Variants in SGCZ observed in about 807,000 individuals in gnomAD.
The protein encoded by SGCZ is sarcoglycan zeta.
Under a neutral mutation model 41.3 loss-of-function variants are expected in SGCZ, and 40 were observed. The observed-to-expected ratio is 0.97, with a 90% CI of 0.75 to 1.26. The LOEUF (loss-of-function observed/expected upper bound fraction) is 1.26. SGCZ is among the 50% of genes most tolerant of loss of function. The probability of loss-of-function intolerance (pLI) is 0.00; values close to 1 mark genes in which losing one functional copy is unlikely to be tolerated. For synonymous variants in SGCZ, 206 were observed against 137.5 expected, an observed-to-expected ratio of 1.50 and a Z score of -3.49; for missense variants, 552 against 369.8, an observed-to-expected ratio of 1.49 and a Z score of -4.04.
chr8:15,019,010 A>G (rs1386581229), intron 1 of SGCZ, among the ~76,000 whole-genome samples: 2 of 152,230 alleles, frequency 1.3e-5, no homozygotes, highest in African/African-American at 2.4e-5. Flanking sequence ...AGGAAGTGCT[A>G]CACACTTTTA....
chr8:14,337,776 G>A (rs1388591480), intron 2 of SGCZ, among the ~76,000 whole-genome samples: 4 of 152,050 alleles, frequency 2.6e-5, no homozygotes, highest in Non-Finnish European at 4.4e-5. Context: ...AAGTCCAGTG[G>A]TACCTCCCCT....
At chr8:14,558,574 T>TAGAGAGAG (rs146179658) in intron 1 of SGCZ, among the ~76,000 whole-genome samples, 6,219 of 99,432 alleles carry the variant, frequency 0.063, 351 homozygotes, top group African/African-American at 0.1. Context: ...GAATGACTCT[T>TAGAGAGAG]AGAGAGAGAG....
chr8:14,474,588 T>C (rs1585563610), intron 2 of SGCZ, among the ~76,000 whole-genome samples: 1 of 152,326 alleles, frequency 6.6e-6, no homozygotes, highest in East Asian at 1.9e-4. Flanking sequence ...AAAGAAATTA[T>C]ACTAGGTAGC....
chr8:14,113,861 G>C lies in SGCZ; in HGVS notation c.548-5626C>G, dbSNP rs143101240. Among the ~76,000 whole-genome samples the C allele has an allele frequency of 3.5e-4, 53 of 152,086 alleles. No homozygotes were observed. In the East Asian group the frequency reaches 9.4e-3, roughly 27 times the overall value. On this transcript the variant is annotated intron_variant, in intron 5 of 7. Transcript: ENST00000382080. ...TGTGGATTTTACATTTCAGTGACAAGACAACTCATGAGAACCCCTTCTTGT... is the reference window on the plus strand; with the variant it reads ...TGTGGATTTTACATTTCAGTGACAACACAACTCATGAGAACCCCTTCTTGT...
At chr8:14,401,091 C>T (rs111598569) in intron 2 of SGCZ, among the ~76,000 whole-genome samples, 1 of 152,000 alleles carries the variant, frequency 6.6e-6, no homozygotes, top group Admixed American at 6.6e-5. Context: ...GAAAGCAGTC[C>T]ACACTGTGCA....
chr8:15,013,746 T>A (rs1237152082), intron 1 of SGCZ, among the ~76,000 whole-genome samples: 1 of 152,190 alleles, frequency 6.6e-6, no homozygotes, highest in Admixed American at 6.5e-5. Flanking sequence ...GTAAAAGGCA[T>A]CTGTTATACA....
At chr8:14,822,100 A>ACG in intron 1 of SGCZ, among the ~76,000 whole-genome samples, 1 of 152,032 alleles carries the variant, frequency 6.6e-6, no homozygotes, top group East Asian at 1.9e-4. Context: ...ACACACACAC[A>ACG]CACACACACG....
At chr8:14,451,937 C>T (rs1320229336) in intron 2 of SGCZ, among the ~76,000 whole-genome samples, 1 of 152,156 alleles carries the variant, frequency 6.6e-6, no homozygotes, top group Non-Finnish European at 1.5e-5. Context: ...TCTTACAAAA[C>T]TAAACATAGT....
chr8:14,405,444 G>A (rs1172942892), intron 2 of SGCZ, among the ~76,000 whole-genome samples: 1 of 152,094 alleles, frequency 6.6e-6, no homozygotes, highest in Admixed American at 6.6e-5. Context: ...CTTCTGAACT[G>A]TTTTTATTAT....
intron 3 of SGCZ, among the ~76,000 whole-genome samples, chr8:14,309,908 C>T (rs181109059): frequency 7.2e-5 from 11 of 151,774 alleles, no homozygotes; most frequent in Admixed American, 3.9e-4. Context: ...ATATACAGTA[C>T]ACATCCCCAG....
At chr8:14,170,859 T>A (rs1804358098) in intron 4 of SGCZ, among the ~76,000 whole-genome samples, 1 of 152,114 alleles carries the variant, frequency 6.6e-6, no homozygotes, top group Admixed American at 6.6e-5. Context: ...ATGAGAATTA[T>A]TATGCAAGTG....
intron 1 of SGCZ, among the ~76,000 whole-genome samples, chr8:14,991,219 G>A (rs1247975211): frequency 2.0e-5 from 3 of 151,998 alleles, no homozygotes; most frequent in Non-Finnish European, 4.4e-5. Context: ...TTCTCATTCT[G>A]GGGAAGGTCT....
chr8:14,589,146 G>T (rs529964762), intron 1 of SGCZ, among the ~76,000 whole-genome samples: 7 of 152,054 alleles, frequency 4.6e-5, no homozygotes, highest in East Asian at 3.9e-4. Context: ...TAACAAACCT[G>T]CACGTTGTGC....
At chr8:14,336,456 G>A (rs1193799528) in intron 2 of SGCZ, among the ~76,000 whole-genome samples, 1 of 152,114 alleles carries the variant, frequency 6.6e-6, no homozygotes, top group Non-Finnish European at 1.5e-5. Context: ...TATATACCCA[G>A]TAATGGGATT....
chr8:14,615,902 CCACTT>C (rs1806084694), intron 1 of SGCZ, among the ~76,000 whole-genome samples: 1 of 152,146 alleles, frequency 6.6e-6, no homozygotes, highest in Non-Finnish European at 1.5e-5. Flanking sequence ...CTATCTCATT[CCACTT>C]TACTCTATTA....
At chr8:14,766,569 T>A (rs986873854) in intron 1 of SGCZ, among the ~76,000 whole-genome samples, 133 of 151,934 alleles carry the variant, frequency 8.8e-4, no homozygotes, top group African/African-American at 3.2e-3. Context: ...ATATATATAT[T>A]TTTTCTTCTT....
At position 14,385,946 on chromosome 8, in the gene SGCZ, A is replaced by G. The variant is rs145298970; in HGVS notation, c.235-61742T>C. The stretch of plus-strand genomic sequence containing the variant: ...ACACATATCCTCTCCTATACTTTAA[A>G]TCATCTCTAGATTACTTATAATACC... On this transcript the variant is annotated intron_variant, in intron 2 of 7. Coordinates refer to ENST00000382080, the MANE Select transcript of SGCZ (RefSeq NM_139167.4). 1.1e-3 allele frequency among the ~76,000 whole-genome samples: 161 copies of G among 152,276 alleles called. 1 individual carries two copies. Among genetic ancestry groups the G allele is most frequent in the African/African-American group, 3.7e-3 (154 of 41,564 alleles).
intron 1 of SGCZ, among the ~76,000 whole-genome samples, chr8:15,096,486 T>A (rs752124013): frequency 6.6e-6 from 1 of 152,142 alleles, no homozygotes; most frequent in Non-Finnish European, 1.5e-5. Context: ...GGAGGCTTTA[T>A]CGACAAATAT....
At chr8:14,279,451 C>A (rs1191308380) in intron 3 of SGCZ, among the ~76,000 whole-genome samples, 1 of 151,788 alleles carries the variant, frequency 6.6e-6, no homozygotes, top group Non-Finnish European at 1.5e-5. Context: ...CTAGATTACA[C>A]ATTTTTTTTC....
Sources: allele counts gnomAD v4.1 joint callset (sites outside exome capture counted in the v4.1 genomes callset), GRCh38; gene constraint gnomAD v4.1.1; transcripts MANE v1.5; gene names NCBI Gene and HGNC (gene_info 2026-07-23, HGNC 2026-07-21).